The following ITFG1 variants were observed in gnomAD, a reference collection of about 807,000 sequenced individuals.
The protein encoded by ITFG1 is T-cell immunomodulatory protein.
In ITFG1, 34 loss-of-function variants were observed where a neutral mutation model predicts 81.8. The observed-to-expected ratio is 0.42, with a 90% confidence interval of 0.32 to 0.55. The LOEUF (loss-of-function observed/expected upper bound fraction) is 0.55, where lower values mean the gene tolerates loss of function less well. Ranked by LOEUF, ITFG1 falls within the 20% of genes least tolerant of loss-of-function variation. The pLI, the probability that ITFG1 is intolerant of heterozygous loss-of-function variation, is 0.17. For missense variants in ITFG1, 672 were observed against 755.4 expected (o/e 0.89, Z 1.29); for synonymous variants, 285 against 270.6 (o/e 1.05, Z -0.52).
intron 13 of ITFG1, among the ~76,000 whole-genome samples, chr16:47,236,722 G>A (rs1965879335): frequency 1.3e-5 from 2 of 152,056 alleles, no homozygotes; most frequent in South Asian, 4.1e-4. Flanking sequence ...TAATCTTTAG[G>A]CTGATGAATC....
intron 11 of ITFG1, 76 bp downstream of exon 11, chr16:47,260,469 C>G: frequency 1.3e-6 from 2 of 1,487,068 alleles, no homozygotes; most frequent in South Asian, 1.2e-5. Context: ...ATTTTCTGGT[C>G]AAATGGAATG....
chr16:47,452,616 T>C (rs1429863071), intron 4 of ITFG1, 117 bp downstream of exon 4: 4 of 667,110 alleles, frequency 6.0e-6, no homozygotes, highest in Non-Finnish European at 1.1e-5. Flanking sequence ...TAATCAAAGG[T>C]ACAGGCCTCT....
In ITFG1 at chr16:47,428,847, T is replaced by A; in HGVS notation, c.612A>T (p.Pro204=). 6.2e-7 allele frequency: 1 copy of A among 1,611,096 alleles called. No individual in the cohort carries two copies. Among genetic ancestry groups the A allele is most frequent in the Non-Finnish European group, 8.5e-7 (1 of 1,178,616 alleles). The part of the protein sequence containing the change: ...ALTTTSKMRI[P]HSHAFIDLTE... ...TCAGATCAATAAATGCATGAGAATG[T>A]GGAATTCGCATTTTACTTGTAGTGG... Residue 204 remains proline (P), a synonymous_variant, in exon 6 of 18, where the codon CCA becomes CCT. Transcript: ENST00000320640.
At chr16:47,212,390 A>T (rs8053793) in intron 14 of ITFG1, among the ~76,000 whole-genome samples, 17 of 151,932 alleles carry the variant, frequency 1.1e-4, no homozygotes, top group Non-Finnish European at 2.2e-4. Context: ...ATTTAAAAAA[A>T]TTTTTTTGTA....
rs558262988 is a variant in ITFG1 at position 47,409,668 on chromosome 16, C to T, written c.655+19136G>A. Among the ~76,000 whole-genome samples the T allele has an allele frequency of 3.3e-5, 5 of 150,896 alleles. No homozygotes were observed. In the South Asian group the frequency reaches 6.3e-4, roughly 19 times the overall value. ...TCCTGACCTTGTGATCCACCCGCCT[C>T]GGCCTCCCAAAGTTCTGGGATTACA... On this transcript the variant is annotated intron_variant, in intron 6 of 17. Transcript: ENST00000320640.
chr16:47,343,734 C>T (rs1283593479), intron 8 of ITFG1, among the ~76,000 whole-genome samples: 2 of 152,096 alleles, frequency 1.3e-5, no homozygotes, highest in Non-Finnish European at 2.9e-5. Flanking sequence ...GAAACTGGAA[C>T]CCTTCCGCAC....
intron 12 of ITFG1, among the ~76,000 whole-genome samples, chr16:47,253,660 A>G (rs1966105207): frequency 6.6e-6 from 1 of 152,078 alleles, no homozygotes. Context: ...TTAGATTCTC[A>G]TAAGGAGCAC....
At chr16:47,412,262 T>G (rs191265009) in intron 6 of ITFG1, among the ~76,000 whole-genome samples, 1 of 152,136 alleles carries the variant, frequency 6.6e-6, no homozygotes, top group East Asian at 1.9e-4. Flanking sequence ...TTAACCAGAT[T>G]GAAATGGCTG....
At chr16:47,256,002 C>T (rs938313491) in intron 12 of ITFG1, among the ~76,000 whole-genome samples, 1 of 151,352 alleles carries the variant, frequency 6.6e-6, no homozygotes, top group Non-Finnish European at 1.5e-5. Flanking sequence ...TGAGACAGAG[C>T]CTTGCTCTAT....
At chr16:47,365,206 C>A (rs1968160737) in intron 8 of ITFG1, among the ~76,000 whole-genome samples, 1 of 152,130 alleles carries the variant, frequency 6.6e-6, no homozygotes, top group African/African-American at 2.4e-5. Flanking sequence ...CACTGAACAG[C>A]TTTTAGGTGG....
chr16:47,317,570 G>A (rs891520373), intron 8 of ITFG1: 6 of 152,116 alleles, frequency 3.9e-5, no homozygotes, highest in East Asian at 3.8e-4. Context: ...CCTCTGAATC[G>A]GCTGGGAAGT....
intron 2 of ITFG1, among the ~76,000 whole-genome samples, chr16:47,455,010 T>C (rs747921188): frequency 1.1e-4 from 16 of 152,234 alleles, no homozygotes; most frequent in Non-Finnish European, 1.9e-4. Flanking sequence ...GGTGTATTTC[T>C]GGAAAGTCTC....
intron 12 of ITFG1, among the ~76,000 whole-genome samples, chr16:47,251,475 GA>G (rs1313676077): frequency 1.4e-5 from 2 of 141,232 alleles, no homozygotes; most frequent in African/African-American, 5.2e-5. Flanking sequence ...ATTCTTTTAA[GA>G]AATGTAAGCA....
At position 47,398,924 on chromosome 16, in the gene ITFG1, A is replaced by T. The variant is rs1968625175; in HGVS notation, c.656-22984T>A. 3.3e-5 allele frequency among the ~76,000 whole-genome samples: 5 copies of T among 152,320 alleles called. No homozygotes were observed. The South Asian group carries it at 8.3e-4, about 25-fold the overall frequency. On this transcript the variant is annotated intron_variant, in intron 6 of 17. Transcript: ENST00000320640. Reference sequence around the variant, plus strand: ...CCAATTCTTCAAACCACATGCATGGATCAAGCTAGATAAATCCTACAATGG... The same window carrying T: ...CCAATTCTTCAAACCACATGCATGGTTCAAGCTAGATAAATCCTACAATGG...
At chr16:47,276,170 A>G (rs575619612) in intron 10 of ITFG1, among the ~76,000 whole-genome samples, 1 of 152,298 alleles carries the variant, frequency 6.6e-6, no homozygotes, top group South Asian at 2.1e-4. Context: ...GAATATGCCA[A>G]TTATTAGAAT....
chr16:47,292,041 T>C (rs1216372819), intron 10 of ITFG1, among the ~76,000 whole-genome samples: 1 of 151,220 alleles, frequency 6.6e-6, no homozygotes, highest in East Asian at 1.9e-4. Context: ...TGAGATGGAG[T>C]TTCGCTCTTT....
intron 10 of ITFG1, among the ~76,000 whole-genome samples, chr16:47,279,540 T>C (rs1300447240): frequency 1.3e-5 from 2 of 152,224 alleles, no homozygotes; most frequent in African/African-American, 4.8e-5. Flanking sequence ...ATTGTAGCTA[T>C]ATAGTAAAAT....
chr16:47,437,582 A>T (rs939821172), intron 5 of ITFG1, among the ~76,000 whole-genome samples: 2 of 152,244 alleles, frequency 1.3e-5, no homozygotes, highest in Non-Finnish European at 2.9e-5. Flanking sequence ...TGGATGAAAA[A>T]ATAACTGGGT....
chr16:47,448,565 G>C (rs544692057), intron 5 of ITFG1: 1 of 149,732 alleles, frequency 6.7e-6, no homozygotes, highest in African/African-American at 2.5e-5. Flanking sequence ...ACTTGGGCCT[G>C]ACCCAGAACG....
Sources: allele counts gnomAD v4.1 joint callset (sites outside exome capture counted in the v4.1 genomes callset), GRCh38; gene constraint gnomAD v4.1.1; transcripts MANE v1.5; gene names NCBI Gene and HGNC (gene_info 2026-07-23, HGNC 2026-07-21).